ADGRL2: variants seen among roughly 807,000 people sequenced by gnomAD.
The protein encoded by ADGRL2 is adhesion G protein-coupled receptor L2, also known as calcium-independent alpha-latrotoxin receptor 2.
In ADGRL2, 44 loss-of-function variants were observed where a neutral mutation model predicts 157.4. The observed-to-expected ratio is 0.28, with a 90% CI of 0.22 to 0.36. The LOEUF (loss-of-function observed/expected upper bound fraction) is 0.36, where lower values mean the gene tolerates loss of function less well. Ranked by LOEUF, ADGRL2 falls within the 10% of genes least tolerant of loss-of-function variation. ADGRL2 has a pLI of 1.00. For missense variants in ADGRL2, 1,510 were observed against 1,768.9 expected (o/e 0.85, Z 2.63); for synonymous variants, 585 against 624.7 (o/e 0.94, Z 0.95).
intron 2 of ADGRL2, among the ~76,000 whole-genome samples, chr1:81,547,998 A>G (rs2080059315): frequency 6.6e-6 from 1 of 152,194 alleles, no homozygotes. Flanking sequence ...GTCTTATTAC[A>G]CACATTTTCA....
chr1:81,619,750 T>A (rs1347935103), intron 3 of ADGRL2, among the ~76,000 whole-genome samples: 1 of 151,986 alleles, frequency 6.6e-6, no homozygotes, highest in East Asian at 1.9e-4. Context: ...TGTGTGTGTG[T>A]GTGTGTGTGA....
intron 3 of ADGRL2, among the ~76,000 whole-genome samples, chr1:81,675,953 T>G (rs2082979121): frequency 6.6e-6 from 1 of 152,140 alleles, no homozygotes; most frequent in South Asian, 2.1e-4. Context: ...ACTGATCAAA[T>G]TTATGGTTTG....
intron 2 of ADGRL2, among the ~76,000 whole-genome samples, chr1:81,516,075 T>C (rs1220978215): frequency 6.6e-6 from 1 of 152,334 alleles, no homozygotes; most frequent in African/African-American, 2.4e-5. Context: ...CCTAATACAC[T>C]GGTTACATAA....
chr1:81,318,316 T>C (rs1056423320), intron 1 of ADGRL2, among the ~76,000 whole-genome samples: 1 of 152,202 alleles, frequency 6.6e-6, no homozygotes, highest in African/African-American at 2.4e-5. Context: ...AAGAGTAATA[T>C]TTATAACTCT....
chr1:81,903,534 T>C (rs1295373472), intron 2 of ADGRL2, among the ~76,000 whole-genome samples: 2 of 151,956 alleles, frequency 1.3e-5, no homozygotes, highest in African/African-American at 2.4e-5. Context: ...CTTAGTTTCA[T>C]ACTCTGTAAA....
intron 1 of ADGRL2, among the ~76,000 whole-genome samples, chr1:81,815,451 A>G (rs2090301037): frequency 6.6e-6 from 1 of 151,868 alleles, no homozygotes; most frequent in Non-Finnish European, 1.5e-5. Flanking sequence ...ACCTCGAGAA[A>G]ATCTTTGTTT....
At chr1:81,621,187 A>G (rs2081782442) in intron 3 of ADGRL2, among the ~76,000 whole-genome samples, 3 of 152,002 alleles carry the variant, frequency 2.0e-5, no homozygotes, top group African/African-American at 7.3e-5. Context: ...GAGGGAGTGG[A>G]CTAGTTTTGG....
intron 1 of ADGRL2, chr1:81,722,064 G>C: frequency 2.6e-6 from 1 of 389,722 alleles, no homozygotes. Flanking sequence ...AGGCCGAGGC[G>C]GGCGGATCAC....
At chr1:81,475,560 C>T (rs1428590316) in intron 2 of ADGRL2, among the ~76,000 whole-genome samples, 6 of 152,040 alleles carry the variant, frequency 3.9e-5, no homozygotes, top group Non-Finnish European at 4.4e-5. Flanking sequence ...TAAGATGTGC[C>T]GTCATTTGAT....
intron 3 of ADGRL2, among the ~76,000 whole-genome samples, chr1:81,621,651 G>A (rs2081792540): frequency 6.6e-6 from 1 of 152,154 alleles, no homozygotes; most frequent in Admixed American, 6.5e-5. Flanking sequence ...CTCCAGATGA[G>A]ACTGCAGCCC....
In ADGRL2 at chr1:81,862,709, G is replaced by T. The variant is rs568417879; in HGVS notation, c.73+25652G>T. Among the ~76,000 whole-genome samples the T allele has an allele frequency of 2.0e-5, 3 of 152,110 alleles. No homozygotes were observed. In the East Asian group the frequency reaches 5.8e-4, roughly 29 times the overall value. ...AAGAAGAATAATATTTAGTTTTTTT[G>T]TAGTACTTTTACTCTTTTACCAAGC... On this transcript the variant is annotated intron_variant, in intron 2 of 23. Coordinates refer to ENST00000686636, the MANE Select transcript of ADGRL2 (RefSeq NM_001366006.2).
intron 2 of ADGRL2, among the ~76,000 whole-genome samples, chr1:81,517,542 C>A (rs1488014495): frequency 6.6e-6 from 1 of 151,100 alleles, no homozygotes; most frequent in Non-Finnish European, 1.5e-5. Context: ...TCTCAGCTAC[C>A]AACATATGGC....
At chr1:81,331,979 G>T (rs958332690) in intron 1 of ADGRL2, among the ~76,000 whole-genome samples, 22 of 151,992 alleles carry the variant, frequency 1.4e-4, no homozygotes, top group African/African-American at 5.3e-4. Flanking sequence ...TGACCTAGGG[G>T]ACAAGTTAAA....
intron 2 of ADGRL2, among the ~76,000 whole-genome samples, chr1:81,550,673 A>G (rs945944763): frequency 6.6e-6 from 1 of 152,138 alleles, no homozygotes; most frequent in Non-Finnish European, 1.5e-5. Flanking sequence ...CTGATCAACA[A>G]TATGCCATGC....
In ADGRL2 at chr1:81,426,988, A is replaced by G. The variant is rs11809427; in HGVS notation, c.-301-18048A>G. 1,954 of 869,146 alleles carry G rather than the reference A, an allele frequency of 2.2e-3. 24 individuals carry two copies. In the African/African-American group the frequency reaches 0.024, roughly 11 times the overall value. 53.8% of individuals were successfully genotyped at this position (869,146 alleles called of 1,614,324 possible). ...TTGCAACTTTTGATGATCACGATAC[A>G]GTTGATAACATTGTTATTCAGAAAT... On this transcript the variant is annotated intron_variant, in intron 1 of 24. Transcript: ENST00000370721.
intron 3 of ADGRL2, among the ~76,000 whole-genome samples, chr1:81,657,532 T>C (rs1570753895): frequency 6.6e-6 from 1 of 152,140 alleles, no homozygotes; most frequent in East Asian, 1.9e-4. Flanking sequence ...GGTTAAAATA[T>C]CCTAAGAGAA....
At chr1:81,308,173 T>G (rs1659484613) in intron 1 of ADGRL2, among the ~76,000 whole-genome samples, 1 of 152,196 alleles carries the variant, frequency 6.6e-6, no homozygotes, top group Admixed American at 6.5e-5. Flanking sequence ...TTAGAATTTC[T>G]TTAAAATTCT....
chr1:81,512,430 C>G (rs1203146211), intron 2 of ADGRL2, among the ~76,000 whole-genome samples: 4 of 152,104 alleles, frequency 2.6e-5, no homozygotes, highest in South Asian at 4.1e-4. Flanking sequence ...GTAACGTCAG[C>G]AGTTCTGTGT....
chr1:81,433,232 T>G (rs892475192), intron 1 of ADGRL2, among the ~76,000 whole-genome samples: 4 of 152,218 alleles, frequency 2.6e-5, no homozygotes, highest in Non-Finnish European at 4.4e-5. Context: ...AAATGTCATG[T>G]GATTTCCTAT....
Sources: gnomAD v4.1 joint callset for allele counts (sites outside exome capture counted in the v4.1 genomes callset) on GRCh38, gnomAD v4.1.1 for gene constraint, MANE v1.5 for transcripts, NCBI Gene and HGNC (gene_info 2026-07-23, HGNC 2026-07-21) for gene names.